Variants in RAP1GDS1 observed in about 807,000 individuals in gnomAD.
RAP1GDS1 encodes the protein Rap1 GTPase-GDP dissociation stimulator 1.
A neutral mutation model predicts 71.1 loss-of-function variants in RAP1GDS1; 35 were observed. That is an observed-to-expected ratio of 0.49 (90% CI 0.38 to 0.65). RAP1GDS1 has a LOEUF of 0.65. RAP1GDS1 is among the 30% of genes least tolerant of loss of function. RAP1GDS1 has a pLI of 0.00. For missense variants in RAP1GDS1, 663 were observed against 706.1 expected (o/e 0.94, Z 0.69); for synonymous variants, 229 against 243.1 (o/e 0.94, Z 0.54).
chr4:98,420,697 C>G (rs914365395), intron 11 of RAP1GDS1, among the ~76,000 whole-genome samples: 1 of 152,144 alleles, frequency 6.6e-6, no homozygotes, highest in African/African-American at 2.4e-5. Flanking sequence ...TACCATATCT[C>G]TCCTTATTAG....
intron 2 of RAP1GDS1, among the ~76,000 whole-genome samples, chr4:98,331,405 CTT>C (rs1046746200): frequency 5.6e-4 from 85 of 151,286 alleles, no homozygotes; most frequent in Middle Eastern, 3.4e-3. Flanking sequence ...AAGGTAAATA[CTT>C]TTATAAAAAT....
At chr4:98,420,333 ATATTATT>A (rs1268292596) in intron 11 of RAP1GDS1, among the ~76,000 whole-genome samples, 189 bp downstream of exon 11, 1 of 150,046 alleles carries the variant, frequency 6.7e-6, no homozygotes, top group African/African-American at 2.5e-5. Flanking sequence ...TTATTTATAC[ATATTATT>A]TATTTATTTA....
At chr4:98,395,369 A>G (rs1026687135) in intron 6 of RAP1GDS1, among the ~76,000 whole-genome samples, 4 of 152,194 alleles carry the variant, frequency 2.6e-5, no homozygotes, top group African/African-American at 9.7e-5. Context: ...TGCTGAGTAT[A>G]AAAGAAGTTT....
At chr4:98,318,007 T>A (rs1413961942) in intron 2 of RAP1GDS1, among the ~76,000 whole-genome samples, 1 of 151,978 alleles carries the variant, frequency 6.6e-6, no homozygotes, top group African/African-American at 2.4e-5. Flanking sequence ...CACGCCCGGC[T>A]AATTTTTGTA....
At position 98,442,087 on chromosome 4, in the gene RAP1GDS1, C is replaced by G; in HGVS notation, c.1794C>G (p.Leu598=). The G allele has an allele frequency of 6.2e-7, 1 of 1,613,866 alleles. No homozygotes were observed. Among genetic ancestry groups the G allele is most frequent in the Non-Finnish European group, 8.5e-7 (1 of 1,179,980 alleles). The change falls in exon 15 of 15, where the codon CTC becomes CTG. Residue 598 remains leucine, a synonymous_variant. Transcript: ENST00000408927. The part of the protein sequence containing the change: ...ENKSVAQQAS[L]TEQRLTVES Reference sequence around the variant, plus strand: ...AAAGTGTTGCCCAGCAGGCCTCTCTCACAGAGCAGAGACTTACTGTGGAAA... The same window carrying G: ...AAAGTGTTGCCCAGCAGGCCTCTCTGACAGAGCAGAGACTTACTGTGGAAA...
At chr4:98,409,163 T>G (rs2110164756) in intron 7 of RAP1GDS1, 1 of 152,276 alleles carries the variant, frequency 6.6e-6, no homozygotes, top group Non-Finnish European at 1.5e-5. Context: ...AGAATTTTGT[T>G]AGGTTACTGC....
chr4:98,422,741 C>A (rs1233954007), intron 12 of RAP1GDS1, among the ~76,000 whole-genome samples: 1 of 152,234 alleles, frequency 6.6e-6, no homozygotes, highest in Non-Finnish European at 1.5e-5. Context: ...GCTGTCCCAG[C>A]TGGTAAGCCT....
intron 7 of RAP1GDS1, among the ~76,000 whole-genome samples, chr4:98,404,870 G>GCT (rs1252907182): frequency 6.6e-6 from 1 of 152,126 alleles, no homozygotes; most frequent in Non-Finnish European, 1.5e-5. Context: ...GGAAAAGGCA[G>GCT]CTGAGAGGCT....
Position 98,290,080 on chromosome 4 carries a change from G to A in RAP1GDS1, c.5-3328G>A, listed in dbSNP as rs921455027. The stretch of plus-strand genomic sequence containing the variant: ...GTTCTTGTGTACTTGTCTCCTGTCG[G>A]TTTTATCATCAGCAATGGTATAATT... On this transcript the variant is annotated intron_variant, in intron 1 of 14. Coordinates refer to ENST00000408927, the MANE Select transcript of RAP1GDS1 (RefSeq NM_001100427.2). 2.0e-5 allele frequency among the ~76,000 whole-genome samples: 3 copies of A among 151,986 alleles called. No individual in the cohort carries two copies. The South Asian group carries it at 6.2e-4, about 32-fold the overall frequency.
chr4:98,413,690 G>A (rs1310526436), intron 7 of RAP1GDS1, among the ~76,000 whole-genome samples: 9 of 152,032 alleles, frequency 5.9e-5, no homozygotes, highest in Non-Finnish European at 1.0e-4. Flanking sequence ...ACATGTGCAT[G>A]TGTCTTTATA....
chr4:98,355,910 A>G (rs1026644434), intron 4 of RAP1GDS1, among the ~76,000 whole-genome samples: 6 of 152,156 alleles, frequency 3.9e-5, no homozygotes, highest in Admixed American at 6.5e-5. Context: ...GCATATAGAG[A>G]TGAAAGAATC....
chr4:98,360,919 G>A (rs534657607), intron 4 of RAP1GDS1, among the ~76,000 whole-genome samples: 1 of 151,566 alleles, frequency 6.6e-6, no homozygotes, highest in South Asian at 2.1e-4. Flanking sequence ...TTTTTAAAAA[G>A]AAAACAAAAC....
intron 4 of RAP1GDS1, among the ~76,000 whole-genome samples, chr4:98,374,482 G>A (rs1433798259): frequency 2.0e-5 from 3 of 152,098 alleles, no homozygotes; most frequent in African/African-American, 7.2e-5. Flanking sequence ...GATCACCTGT[G>A]AGTTTTGTTG....
chr4:98,424,716 G>A (rs570158484), intron 12 of RAP1GDS1, among the ~76,000 whole-genome samples: 11 of 150,768 alleles, frequency 7.3e-5, no homozygotes, highest in Admixed American at 3.3e-4. Flanking sequence ...AGCCAAGATC[G>A]TGCCACTGCA....
chr4:98,442,360 C>T lies in RAP1GDS1; in HGVS notation c.*243C>T. ...TTCTCTTGTATTCCTGTTGCTTGAG[C>T]TACATTAAGTAGAATGTGCATGTTG... On this transcript the variant is annotated 3_prime_UTR_variant, in exon 15 of 15. Transcript: ENST00000408927. 2.4e-6 allele frequency: 1 copy of T among 420,290 alleles called. No individual in the cohort carries two copies. The highest frequency in any genetic ancestry group is 3.9e-5 in the Admixed American group (1 of 25,530). The allele number at this position is 420,290 out of a possible 1,614,324, so 26.0% of individuals were successfully genotyped here.
chr4:98,321,569 T>A (rs1201947612), intron 2 of RAP1GDS1, among the ~76,000 whole-genome samples: 1 of 150,860 alleles, frequency 6.6e-6, no homozygotes, highest in Non-Finnish European at 1.5e-5. Context: ...TAACAGCGGA[T>A]CTCTCGGCAG....
intron 3 of RAP1GDS1, among the ~76,000 whole-genome samples, chr4:98,346,379 A>G (rs1316756970): frequency 6.6e-6 from 1 of 152,072 alleles, no homozygotes; most frequent in African/African-American, 2.4e-5. Flanking sequence ...CCTCTATTCC[A>G]TAACAGGTAC....
intron 6 of RAP1GDS1, among the ~76,000 whole-genome samples, chr4:98,400,529 A>T (rs1361727276): frequency 9.5e-6 from 1 of 105,584 alleles, no homozygotes; most frequent in Admixed American, 9.0e-5. Flanking sequence ...TTATAGAAGT[A>T]AAAAAAAAAA....
intron 7 of RAP1GDS1, among the ~76,000 whole-genome samples, chr4:98,406,839 G>A (rs1746191951): frequency 6.6e-6 from 1 of 152,018 alleles, no homozygotes; most frequent in Non-Finnish European, 1.5e-5. Flanking sequence ...AGAAAACCAG[G>A]AAATCGCTGT....
Sources: gnomAD v4.1 joint callset for allele counts (sites outside exome capture counted in the v4.1 genomes callset) on GRCh38, gnomAD v4.1.1 for gene constraint, MANE v1.5 for transcripts, NCBI Gene and HGNC (gene_info 2026-07-23, HGNC 2026-07-21) for gene names.